MYO5A: variants seen among roughly 807,000 people sequenced by gnomAD.
MYO5A encodes the protein myosin VA.
Under a neutral mutation model 249.7 loss-of-function variants are expected in MYO5A, and 98 were observed. The observed-to-expected ratio is 0.39, with a 90% CI of 0.33 to 0.46. The LOEUF (loss-of-function observed/expected upper bound fraction) is 0.46, where lower values mean the gene tolerates loss of function less well. Among genes scored for constraint, MYO5A ranks in the 20% least tolerant of loss-of-function variants. The pLI is 0.98. For missense variants in MYO5A, 1,696 were observed against 2,308.8 expected (o/e 0.73, Z 5.44); for synonymous variants, 778 against 810.6 (o/e 0.96, Z 0.68).
At chr15:52,458,029 A>G (rs2076155443) in intron 1 of MYO5A, among the ~76,000 whole-genome samples, 1 of 152,200 alleles carries the variant, frequency 6.6e-6, no homozygotes, top group Non-Finnish European at 1.5e-5. Flanking sequence ...ACACATTCTC[A>G]TTCATATGTA....
chr15:52,412,740 A>G (rs922281965), intron 5 of MYO5A, among the ~76,000 whole-genome samples: 3 of 152,234 alleles, frequency 2.0e-5, no homozygotes, highest in African/African-American at 4.8e-5. Flanking sequence ...AAAGGAAAAA[A>G]TAAATTTTGT....
chr15:52,331,875 T>C, intron 34 of MYO5A: 1 of 985,288 alleles, frequency 1.0e-6, no homozygotes. Context: ...AGATCAGGGC[T>C]ACGGCCATCT....
intron 1 of MYO5A, among the ~76,000 whole-genome samples, chr15:52,518,184 AG>A (rs1566876968): frequency 6.7e-6 from 1 of 148,300 alleles, no homozygotes; most frequent in Non-Finnish European, 1.5e-5. Context: ...CTAGGGATGG[AG>A]GGTGCTACTG....
At chr15:52,402,345 G>T (rs570618287) in intron 9 of MYO5A, among the ~76,000 whole-genome samples, 1 of 152,134 alleles carries the variant, frequency 6.6e-6, no homozygotes, top group African/African-American at 2.4e-5. Context: ...TGGAGTGGGT[G>T]GTGGGCAAAT....
At chr15:52,467,001 T>C (rs1274865978) in intron 1 of MYO5A, among the ~76,000 whole-genome samples, 2 of 152,222 alleles carry the variant, frequency 1.3e-5, no homozygotes, top group Non-Finnish European at 2.9e-5. Flanking sequence ...ATTAAGGCTA[T>C]GTATATCCAA....
chr15:52,455,714 A>G (rs1380558735), intron 1 of MYO5A, among the ~76,000 whole-genome samples: 1 of 152,014 alleles, frequency 6.6e-6, no homozygotes, highest in East Asian at 1.9e-4. Flanking sequence ...CAAAAACCAT[A>G]TGATCATTTT....
chr15:52,371,413 C>T (rs985450649), intron 21 of MYO5A, among the ~76,000 whole-genome samples: 14 of 152,312 alleles, frequency 9.2e-5, no homozygotes, highest in Middle Eastern at 3.4e-3. Flanking sequence ...TATTTCAATG[C>T]TAAACCAACT....
At chr15:52,366,593 G>C (rs2141070273) in intron 23 of MYO5A, among the ~76,000 whole-genome samples, 1 of 111,688 alleles carries the variant, frequency 9.0e-6, no homozygotes, top group Middle Eastern at 5.3e-3. Context: ...GACTAGCAAA[G>C]AGTGGTGAAT....
At chr15:52,367,353 C>T (rs1223009634) in intron 22 of MYO5A, among the ~76,000 whole-genome samples, 3 of 152,182 alleles carry the variant, frequency 2.0e-5, no homozygotes, top group Non-Finnish European at 4.4e-5. Context: ...ACTACAAGAC[C>T]CTGTATATGC....
At chr15:52,412,582 C>A (rs1595626994) in intron 5 of MYO5A, among the ~76,000 whole-genome samples, 1 of 152,084 alleles carries the variant, frequency 6.6e-6, no homozygotes, top group South Asian at 2.1e-4. Flanking sequence ...TTATTTGATT[C>A]TAAGTTCTGA....
Position 52,389,125 on chromosome 15 carries a change from G to A in MYO5A, c.1668+113C>T, listed in dbSNP as rs566161021. The A allele has an allele frequency of 5.5e-6, 6 of 1,098,320 alleles. No homozygotes were observed. In the East Asian group the frequency reaches 1.6e-4, roughly 29 times the overall value. The allele number at this position is 1,098,320 out of a possible 1,614,324, so 68.0% of individuals were successfully genotyped here. A position where few individuals can be genotyped will look rare whatever the true frequency, so the allele number is the denominator to read the frequency against. ...TCAACACTGAAGACTGCTGTCCCTT[G>A]AGCCCTAAAGAATGCAAACATCAGC... On this transcript the variant is annotated intron_variant, in intron 13 of 41. Coordinates refer to ENST00000399233, the MANE Select transcript of MYO5A (RefSeq NM_001382347.1).
At chr15:52,327,716 G>GATA in intron 36 of MYO5A, 136 bp downstream of exon 36, 3 of 924,386 alleles carry the variant, frequency 3.2e-6, no homozygotes, top group South Asian at 2.7e-5. Context: ...TCTCAAAATA[G>GATA]ATAGGTAAGT....
chr15:52,337,926 G>C, intron 32 of MYO5A, 42 bp from the exon 33 acceptor site: 1 of 1,349,366 alleles, frequency 7.4e-7, no homozygotes, highest in Non-Finnish European at 1.0e-6. Flanking sequence ...TTGTCTGTGT[G>C]TTTGAGGGAA....
At chr15:52,484,292 G>C (rs756820962) in intron 1 of MYO5A, among the ~76,000 whole-genome samples, 4 of 152,222 alleles carry the variant, frequency 2.6e-5, no homozygotes, top group Non-Finnish European at 5.9e-5. Flanking sequence ...GCCCTGGCTA[G>C]TTAGGTAGCT....
At chr15:52,390,208 A>C (rs2042158300) in intron 12 of MYO5A, among the ~76,000 whole-genome samples, 1 of 152,204 alleles carries the variant, frequency 6.6e-6, no homozygotes, top group African/African-American at 2.4e-5. Flanking sequence ...AATTAGAATG[A>C]ATAAGCCCTA....
chr15:52,336,303 A>C (rs1178863410), intron 34 of MYO5A, among the ~76,000 whole-genome samples, 160 bp downstream of exon 34: 1 of 152,180 alleles, frequency 6.6e-6, no homozygotes, highest in Non-Finnish European at 1.5e-5. Context: ...TAAAAATGTA[A>C]ATTTCTACTC....
At chr15:52,478,682 T>C (rs1024982998) in intron 1 of MYO5A, among the ~76,000 whole-genome samples, 5 of 152,258 alleles carry the variant, frequency 3.3e-5, no homozygotes, top group Non-Finnish European at 7.3e-5. Flanking sequence ...TCAGGTTTAC[T>C]GTATTGCACT....
At chr15:52,506,367 T>C (rs528778415) in intron 1 of MYO5A, among the ~76,000 whole-genome samples, 76 of 150,622 alleles carry the variant, frequency 5.0e-4, no homozygotes, top group African/African-American at 1.8e-3. Flanking sequence ...ATAATAATAA[T>C]AAAATGAAAA....
intron 27 of MYO5A, among the ~76,000 whole-genome samples, chr15:52,352,324 T>C (rs546632649): frequency 6.6e-6 from 1 of 152,208 alleles, no homozygotes; most frequent in African/African-American, 2.4e-5. Context: ...GAAACACAGA[T>C]GCAGACAGGC....
Sources: gnomAD v4.1 joint callset for allele counts (sites outside exome capture counted in the v4.1 genomes callset) on GRCh38, gnomAD v4.1.1 for gene constraint, MANE v1.5 for transcripts, NCBI Gene and HGNC (gene_info 2026-07-23, HGNC 2026-07-21) for gene names.